Variants in CNTNAP2 observed in about 807,000 individuals in gnomAD.
CNTNAP2 encodes contactin associated protein 2.
In CNTNAP2, 98 loss-of-function variants were observed where a neutral mutation model predicts 155.2. The observed-to-expected ratio is 0.63, with a 90% confidence interval of 0.54 to 0.75. The LOEUF is 0.75. CNTNAP2 is among the 30% of genes least tolerant of loss of function. The pLI is 0.00. For synonymous variants in CNTNAP2, 651 were observed against 631.2 expected (o/e 1.03, Z -0.47); for missense variants, 1,727 against 1,688.1 (o/e 1.02, Z -0.40).
At position 148,287,792 on chromosome 7, in the gene CNTNAP2, TTTC is replaced by T. The variant is rs1235887521; in HGVS notation, c.3475+20669_3475+20671del. ...CTCTTCCTCTTTCTTTCTTTCTTTT[TTTC>T]TTTTTTTTTTTTTGAATTGGAGTTT... On this transcript the variant is annotated intron_variant, in intron 21 of 23. Coordinates refer to ENST00000361727, the MANE Select transcript of CNTNAP2 (RefSeq NM_014141.6). Among the ~76,000 whole-genome samples, 184 of 21,162 alleles carry T rather than the reference TTTC, an allele frequency of 8.7e-3. 10 individuals carry two copies. The highest frequency in any genetic ancestry group is 0.058 in the Middle Eastern group (3 of 52). 13.9% of individuals were successfully genotyped at this position (21,162 alleles called of 152,430 possible). A position where few individuals can be genotyped will look rare whatever the true frequency, so the allele number is the denominator to read the frequency against.
intron 1 of CNTNAP2, among the ~76,000 whole-genome samples, chr7:146,769,994 A>G (rs1473378512): frequency 6.6e-6 from 1 of 152,180 alleles, no homozygotes; most frequent in Non-Finnish European, 1.5e-5. Context: ...TTACTTGTGT[A>G]TCACCTGTAG....
intron 13 of CNTNAP2, among the ~76,000 whole-genome samples, chr7:147,773,149 G>A (rs1329532017): frequency 1.3e-5 from 2 of 152,170 alleles, no homozygotes; most frequent in African/African-American, 4.8e-5. Flanking sequence ...ATAACTAAAG[G>A]ACTGAATTGA....
chr7:147,126,692 C>T lies in CNTNAP2; in HGVS notation c.940-2001C>T, dbSNP rs567010589. Among the ~76,000 whole-genome samples the T allele has an allele frequency of 1.8e-4, 27 of 152,242 alleles. 1 individual carries two copies. Among genetic ancestry groups the T allele is most frequent in the African/African-American group, 6.0e-4 (25 of 41,542 alleles). On this transcript the variant is annotated intron_variant, in intron 6 of 23. Transcript: ENST00000361727. ...TTCTCCATGTTGATCAGGCTGGTCTCGAACTCCTGATCTCAGGTGATCCAC... is the reference window on the plus strand; with the variant it reads ...TTCTCCATGTTGATCAGGCTGGTCTTGAACTCCTGATCTCAGGTGATCCAC...
intron 8 of CNTNAP2, among the ~76,000 whole-genome samples, chr7:147,216,012 G>C (rs1803260087): frequency 6.6e-6 from 1 of 151,762 alleles, no homozygotes; most frequent in African/African-American, 2.4e-5. Flanking sequence ...TAAGGGTTTT[G>C]GTCCATTTTA....
At chr7:146,486,127 C>A (rs811412) in intron 1 of CNTNAP2, among the ~76,000 whole-genome samples, 1 of 131,490 alleles carries the variant, frequency 7.6e-6, no homozygotes, top group East Asian at 2.5e-4. Context: ...TGCAGTGGCA[C>A]GATCTCAGCT....
At position 146,191,389 on chromosome 7, in the gene CNTNAP2, A is replaced by G. The variant is rs557713673; in HGVS notation, c.97+74416A>G. Among the ~76,000 whole-genome samples the G allele has an allele frequency of 2.0e-5, 3 of 152,270 alleles. No individual in the cohort carries two copies. In the South Asian group the frequency reaches 6.2e-4, roughly 32 times the overall value. Reference sequence around the variant, plus strand: ...CAAGGCAATAAAATATCACAAGGCAAATGGGGACAGAGCGAGATCAGAGGA... The same window carrying G: ...CAAGGCAATAAAATATCACAAGGCAGATGGGGACAGAGCGAGATCAGAGGA... On this transcript the variant is annotated intron_variant, in intron 1 of 23. Coordinates refer to ENST00000361727, the MANE Select transcript of CNTNAP2 (RefSeq NM_014141.6).
intron 3 of CNTNAP2, among the ~76,000 whole-genome samples, chr7:146,874,530 G>A (rs1372632526): frequency 6.6e-5 from 10 of 151,874 alleles, no homozygotes; most frequent in Non-Finnish European, 1.0e-4. Context: ...GTAGAGATGG[G>A]GTTTCACCAT....
chr7:147,682,320 T>A (rs1241919178), intron 13 of CNTNAP2, among the ~76,000 whole-genome samples: 1 of 151,918 alleles, frequency 6.6e-6, no homozygotes, highest in East Asian at 1.9e-4. Flanking sequence ...TAAAATATAT[T>A]CCCTAGCATC....
At chr7:146,528,973 AG>A (rs1797730319) in intron 1 of CNTNAP2, among the ~76,000 whole-genome samples, 1 of 152,220 alleles carries the variant, frequency 6.6e-6, no homozygotes, top group African/African-American at 2.4e-5. Flanking sequence ...CAAAAATCTA[AG>A]AAAAGATTAA....
chr7:147,466,696 C>G (rs536665384), intron 10 of CNTNAP2, among the ~76,000 whole-genome samples: 1 of 152,116 alleles, frequency 6.6e-6, no homozygotes, highest in Non-Finnish European at 1.5e-5. Flanking sequence ...GTGGGCTGAT[C>G]GCCTGAGGTC....
intron 9 of CNTNAP2, among the ~76,000 whole-genome samples, chr7:147,343,707 G>A (rs969835363): frequency 2.0e-5 from 3 of 152,036 alleles, no homozygotes; most frequent in East Asian, 1.9e-4. Flanking sequence ...CCTGATTCTC[G>A]ATTCTCCCTT....
At chr7:147,179,478 C>G (rs936905044) in intron 8 of CNTNAP2, among the ~76,000 whole-genome samples, 1 of 152,158 alleles carries the variant, frequency 6.6e-6, no homozygotes, top group Non-Finnish European at 1.5e-5. Context: ...ATAAGATTAT[C>G]TACCAGATTC....
At chr7:148,235,749 G>A (rs1457497201) in intron 20 of CNTNAP2, among the ~76,000 whole-genome samples, 5 of 141,256 alleles carry the variant, frequency 3.5e-5, no homozygotes, top group African/African-American at 7.9e-5. Flanking sequence ...GCAGCGGCAC[G>A]ATCTTGGCTC....
intron 19 of CNTNAP2, among the ~76,000 whole-genome samples, chr7:148,222,720 A>T (rs1795775939): frequency 6.6e-6 from 1 of 152,192 alleles, no homozygotes; most frequent in African/African-American, 2.4e-5. Context: ...ATTGCTTAAA[A>T]GGGATCTTGT....
intron 8 of CNTNAP2, among the ~76,000 whole-genome samples, chr7:147,225,082 C>T (rs1288802598): frequency 6.6e-6 from 1 of 152,134 alleles, no homozygotes; most frequent in East Asian, 1.9e-4. Context: ...TTAAGTAAAA[C>T]ATCCCAAATC....
chr7:148,348,429 G>T (rs1199799449), intron 21 of CNTNAP2, among the ~76,000 whole-genome samples: 2 of 152,208 alleles, frequency 1.3e-5, no homozygotes, highest in Admixed American at 6.5e-5. Flanking sequence ...CCATCATTCA[G>T]TTTAATTCCA....
chr7:148,313,119 T>C (rs1797624207), intron 21 of CNTNAP2, among the ~76,000 whole-genome samples: 1 of 151,160 alleles, frequency 6.6e-6, no homozygotes, highest in African/African-American at 2.4e-5. Flanking sequence ...TTTTAAGAGG[T>C]TTAGAAGCCT....
At chr7:146,375,935 T>C (rs1795297810) in intron 1 of CNTNAP2, among the ~76,000 whole-genome samples, 1 of 152,136 alleles carries the variant, frequency 6.6e-6, no homozygotes, top group African/African-American at 2.4e-5. Flanking sequence ...TCACCTTCTC[T>C]TTGCCTTCAC....
chr7:147,066,245 A>G (rs752917562), intron 4 of CNTNAP2, among the ~76,000 whole-genome samples: 48 of 152,264 alleles, frequency 3.2e-4, no homozygotes, highest in Admixed American at 2.7e-3. Context: ...CTTTCAGCAG[A>G]TCGTCGTCAG....
Sources: gnomAD v4.1 joint callset for allele counts (sites outside exome capture counted in the v4.1 genomes callset) on GRCh38, gnomAD v4.1.1 for gene constraint, MANE v1.5 for transcripts, NCBI Gene and HGNC (gene_info 2026-07-23, HGNC 2026-07-21) for gene names.